PLPP3: variants seen among roughly 807,000 people sequenced by gnomAD.
PLPP3 encodes PAP2 beta.
In PLPP3, 6 loss-of-function variants were observed where a neutral mutation model predicts 29.6. The observed-to-expected ratio is 0.20, with a 90% CI of 0.11 to 0.40. The LOEUF is 0.40. PLPP3 is among the 10% of genes least tolerant of loss of function. The pLI, the probability that PLPP3 is intolerant of heterozygous loss-of-function variation, is 1.00. For synonymous variants in PLPP3, 152 were observed against 159.7 expected (o/e 0.95, Z 0.36); for missense variants, 308 against 407.7 (o/e 0.76, Z 2.11).
intron 5 of PLPP3, among the ~76,000 whole-genome samples, chr1:56,511,064 G>A (rs930642446): frequency 1.3e-5 from 2 of 152,180 alleles, no homozygotes; most frequent in Non-Finnish European, 2.9e-5. Flanking sequence ...CAACCTACAT[G>A]TGTGGTGCTT....
At chr1:56,572,343 C>T (rs1646205601) in intron 1 of PLPP3, among the ~76,000 whole-genome samples, 1 of 152,154 alleles carries the variant, frequency 6.6e-6, no homozygotes, top group Non-Finnish European at 1.5e-5. Flanking sequence ...AGCCACCACG[C>T]CTGGCCTTGC....
At position 56,537,060 on chromosome 1, in the gene PLPP3, T is replaced by G; in HGVS notation, c.192A>C (p.Arg64=). Residue 64 remains arginine, a synonymous_variant, in exon 2 of 6, where the codon CGA becomes CGC. Coordinates refer to ENST00000371250, the MANE Select transcript of PLPP3 (RefSeq NM_003713.5). ...IETSTIKPYH[R]GFYCNDESIK... is the part of the protein sequence containing the mutation. The stretch of plus-strand genomic sequence containing the variant: ...TGCTCTCATCATTGCAGTAAAACCC[T>G]CGGTGGTAAGGCTTGATGGTGCTTG... The G allele has an allele frequency of 1.9e-6, 3 of 1,613,470 alleles. No individual in the cohort carries two copies. Among genetic ancestry groups the G allele is most frequent in the Non-Finnish European group, 2.5e-6 (3 of 1,179,764 alleles).
chr1:56,542,791 G>C (rs143742960), intron 1 of PLPP3, among the ~76,000 whole-genome samples: 2 of 152,220 alleles, frequency 1.3e-5, no homozygotes, highest in African/African-American at 4.8e-5. Flanking sequence ...GGAGGCTGAG[G>C]CAGTTGCATT....
intron 5 of PLPP3, among the ~76,000 whole-genome samples, chr1:56,508,008 C>T (rs1160467259): frequency 6.6e-6 from 1 of 152,152 alleles, no homozygotes; most frequent in Non-Finnish European, 1.5e-5. Flanking sequence ...GAATGTGTTC[C>T]ACCTTGATTT....
intron 5 of PLPP3, among the ~76,000 whole-genome samples, chr1:56,497,800 T>G (rs1250885230): frequency 6.6e-6 from 1 of 152,202 alleles, no homozygotes; most frequent in African/African-American, 2.4e-5. Context: ...AGTAGGGACT[T>G]GAATTATTTG....
chr1:56,518,743 T>TA (rs1645799609), intron 4 of PLPP3, among the ~76,000 whole-genome samples: 1 of 102,158 alleles, frequency 9.8e-6, no homozygotes, highest in South Asian at 3.1e-4. Flanking sequence ...ATAGACAGGG[T>TA]CTCACTATGT....
At chr1:56,550,804 C>G (rs7529520) in intron 1 of PLPP3, among the ~76,000 whole-genome samples, 86,379 of 151,854 alleles carry the variant, frequency 0.57, 24,959 homozygotes, top group South Asian at 0.67. Context: ...ATTGCCATGA[C>G]AGCTGCCTGG....
At chr1:56,537,621 A>G (rs902652368) in intron 1 of PLPP3, among the ~76,000 whole-genome samples, 1 of 152,070 alleles carries the variant, frequency 6.6e-6, no homozygotes, top group Non-Finnish European at 1.5e-5. Flanking sequence ...TTCCCACTCC[A>G]TTTCCCTGAG....
At chr1:56,558,964 G>A (rs1646102298) in intron 1 of PLPP3, among the ~76,000 whole-genome samples, 1 of 152,174 alleles carries the variant, frequency 6.6e-6, no homozygotes, top group African/African-American at 2.4e-5. Flanking sequence ...GATGACCTCT[G>A]CAGTTCTGAA....
intron 5 of PLPP3, among the ~76,000 whole-genome samples, chr1:56,500,477 G>C (rs1319571905): frequency 6.6e-6 from 1 of 152,200 alleles, no homozygotes; most frequent in Non-Finnish European, 1.5e-5. Context: ...GGATGTTATA[G>C]GCAAAGGGAA....
At chr1:56,557,032 GAGAGAGAGAGAGAGAGAGAGAGAGAGAAA>G (rs1557513708) in intron 1 of PLPP3, among the ~76,000 whole-genome samples, 163 of 10,996 alleles carry the variant, frequency 0.015, 7 homozygotes, top group Admixed American at 0.038. Context: ...GAGAAAGAGA[GAGAGAGAGAGAGAGAGAGAGAGAGAGAAA>G]GAAAGAAAGA....
chr1:56,505,412 A>T (rs940844566), intron 5 of PLPP3, among the ~76,000 whole-genome samples: 1 of 152,164 alleles, frequency 6.6e-6, no homozygotes, highest in Admixed American at 6.5e-5. Context: ...TTAGCAGGGG[A>T]ACAAGAAAGG....
intron 5 of PLPP3, among the ~76,000 whole-genome samples, chr1:56,509,758 A>C (rs1299658514): frequency 6.7e-6 from 1 of 148,774 alleles, no homozygotes; most frequent in Non-Finnish European, 1.5e-5. Context: ...AGAATCTTCA[A>C]CCTGAGAGGC....
rs145753084 is a variant in PLPP3, at chr1:56,543,847, A to C, written c.140-6735T>G. Among the ~76,000 whole-genome samples the C allele has an allele frequency of 8.7e-3, 1,319 of 152,340 alleles. 12 individuals carry two copies. Among genetic ancestry groups the C allele is most frequent in the African/African-American group, 0.03 (1,259 of 41,576 alleles). On this transcript the variant is annotated intron_variant, in intron 1 of 5. Coordinates refer to ENST00000371250, the MANE Select transcript of PLPP3 (RefSeq NM_003713.5). Reference sequence around the variant, plus strand: ...CAGGCCCTTTCTCCACAAAAAGAAGACTGTTGGAACCAAAAGCAACTACGT... The same window carrying C: ...CAGGCCCTTTCTCCACAAAAAGAAGCCTGTTGGAACCAAAAGCAACTACGT...
intron 1 of PLPP3, among the ~76,000 whole-genome samples, chr1:56,553,088 G>C (rs929620218): frequency 6.6e-6 from 1 of 152,142 alleles, no homozygotes; most frequent in African/African-American, 2.4e-5. Flanking sequence ...GTTTTACCTG[G>C]GAGATGTGCA....
At chr1:56,499,794 G>C (rs1402983625) in intron 5 of PLPP3, among the ~76,000 whole-genome samples, 3 of 152,146 alleles carry the variant, frequency 2.0e-5, no homozygotes, top group Admixed American at 2.0e-4. Context: ...GACACAAAAA[G>C]ACCTAGTAAA....
chr1:56,567,027 G>C (rs1317107538), intron 1 of PLPP3, among the ~76,000 whole-genome samples: 4 of 152,094 alleles, frequency 2.6e-5, no homozygotes, highest in Non-Finnish European at 4.4e-5. Flanking sequence ...CAGATCCCAG[G>C]GATATATAGG....
chr1:56,501,781 G>A (rs747249138), intron 5 of PLPP3, among the ~76,000 whole-genome samples: 59 of 152,248 alleles, frequency 3.9e-4, no homozygotes, highest in Non-Finnish European at 6.6e-4. Context: ...ACTGGAAAAA[G>A]ATAAAAAGAG....
At chr1:56,557,715 A>G (rs1490636238) in intron 1 of PLPP3, among the ~76,000 whole-genome samples, 1 of 152,192 alleles carries the variant, frequency 6.6e-6, no homozygotes, top group Non-Finnish European at 1.5e-5. Flanking sequence ...TGTCAAGTCC[A>G]CATTTTATAG....
Sources: allele counts gnomAD v4.1 joint callset (sites outside exome capture counted in the v4.1 genomes callset), GRCh38; gene constraint gnomAD v4.1.1; transcripts MANE v1.5; gene names NCBI Gene and HGNC (gene_info 2026-07-23, HGNC 2026-07-21).